The following LHFPL3 variants were observed in gnomAD, a reference collection of about 807,000 sequenced individuals.
LHFPL3 encodes LHFPL tetraspan subfamily member 3.
A neutral mutation model predicts 19.3 loss-of-function variants in LHFPL3; 5 were observed. That is an observed-to-expected ratio of 0.26 (90% CI 0.14 to 0.54). The LOEUF (loss-of-function observed/expected upper bound fraction) is 0.54, where lower values mean the gene tolerates loss of function less well. Among genes scored for constraint, LHFPL3 ranks in the 20% least tolerant of loss-of-function variants. LHFPL3 has a pLI of 0.94. For missense variants in LHFPL3, 249 were observed against 307.4 expected (o/e 0.81, Z 1.42); for synonymous variants, 133 against 126.2 (o/e 1.05, Z -0.36).
intron 2 of LHFPL3, among the ~76,000 whole-genome samples, chr7:104,817,036 C>A (rs1463032200): frequency 6.6e-6 from 1 of 152,172 alleles, no homozygotes; most frequent in African/African-American, 2.4e-5. Flanking sequence ...TCTTTCCACC[C>A]AGGCAAATTC....
At chr7:104,560,638 G>T (rs1413269977) in intron 1 of LHFPL3, among the ~76,000 whole-genome samples, 4 of 132,072 alleles carry the variant, frequency 3.0e-5, no homozygotes, top group Middle Eastern at 3.4e-3. Context: ...CCAGCTCTTG[G>T]ATTCATTAAT....
intron 2 of LHFPL3, among the ~76,000 whole-genome samples, chr7:104,857,440 C>T (rs2116628157): frequency 6.6e-6 from 1 of 152,216 alleles, no homozygotes; most frequent in African/African-American, 2.4e-5. Context: ...AGACCTTATA[C>T]CAGGCTCTGG....
rs117953468 is a variant in LHFPL3, at chr7:104,557,506, C to A, written c.446-179169C>A. 3.9e-4 allele frequency among the ~76,000 whole-genome samples: 59 copies of A among 152,212 alleles called. 1 individual carries two copies. In the East Asian group the frequency reaches 9.5e-3, roughly 24 times the overall value. On this transcript the variant is annotated intron_variant, in intron 1 of 2. Transcript: ENST00000424859. ...GAAAGACCCACCCACATAATTCAAT[C>A]ATCTCACACAGCATTTCTCCCACAA...
rs764854553 is a variant in LHFPL3 at position 104,836,453 on chromosome 7, A to C, written c.683-69734A>C. On this transcript the variant is annotated intron_variant, in intron 2 of 2. Transcript: ENST00000424859. ...CTAAGGCACTTATTGTCTTTGGAAGAAGCTAGCCCACGCAGCCACGCAGGA... is the reference window on the plus strand; with the variant it reads ...CTAAGGCACTTATTGTCTTTGGAAGCAGCTAGCCCACGCAGCCACGCAGGA... Among the ~76,000 whole-genome samples the C allele has an allele frequency of 7.9e-5, 12 of 152,298 alleles. No homozygotes were observed. In the South Asian group the frequency reaches 1.2e-3, roughly 16 times the overall value.
At chr7:104,866,611 C>A (rs1267398000) in intron 2 of LHFPL3, among the ~76,000 whole-genome samples, 1 of 152,098 alleles carries the variant, frequency 6.6e-6, no homozygotes. Context: ...ACTTAGACTC[C>A]CACACAATAA....
At chr7:104,438,814 T>C (rs1792162754) in intron 1 of LHFPL3, among the ~76,000 whole-genome samples, 1 of 143,858 alleles carries the variant, frequency 7.0e-6, no homozygotes, top group Non-Finnish European at 1.5e-5. Context: ...AAAAGTTGAT[T>C]TTTTAAAAAA....
At chr7:104,821,378 G>A (rs565795597) in intron 2 of LHFPL3, among the ~76,000 whole-genome samples, 4 of 152,324 alleles carry the variant, frequency 2.6e-5, no homozygotes, top group East Asian at 1.9e-4. Flanking sequence ...GAAGAGTTCC[G>A]ATTCAGAAGC....
intron 1 of LHFPL3, among the ~76,000 whole-genome samples, chr7:104,338,549 AAAT>A (rs1000508460): frequency 1.3e-5 from 2 of 152,236 alleles, no homozygotes; most frequent in African/African-American, 4.8e-5. Context: ...GAATTTAGGA[AAAT>A]AATCATTTCT....
At chr7:104,339,798 C>G (rs1789910688) in intron 1 of LHFPL3, among the ~76,000 whole-genome samples, 1 of 152,200 alleles carries the variant, frequency 6.6e-6, no homozygotes, top group Admixed American at 6.5e-5. Flanking sequence ...TTCTTTTCCC[C>G]TAATGTGCCC....
chr7:104,644,735 G>A (rs537627953), intron 1 of LHFPL3, among the ~76,000 whole-genome samples: 71 of 61,560 alleles, frequency 1.2e-3, no homozygotes, highest in Non-Finnish European at 1.5e-3. Flanking sequence ...TGTTGCTCCC[G>A]CTTGGGACAT....
At chr7:104,621,231 C>G (rs1281278258) in intron 1 of LHFPL3, among the ~76,000 whole-genome samples, 2 of 152,114 alleles carry the variant, frequency 1.3e-5, no homozygotes, top group African/African-American at 4.8e-5. Context: ...ATTCTGTGGC[C>G]CTTGAGGCTT....
At chr7:104,556,270 G>T (rs927343107) in intron 1 of LHFPL3, among the ~76,000 whole-genome samples, 2 of 152,198 alleles carry the variant, frequency 1.3e-5, no homozygotes, top group Non-Finnish European at 2.9e-5. Flanking sequence ...CTTCCACACT[G>T]CCCTAGCAGA....
intron 1 of LHFPL3, among the ~76,000 whole-genome samples, chr7:104,422,861 A>G (rs1791760377): frequency 6.6e-6 from 1 of 152,216 alleles, no homozygotes. Context: ...GATGAATAAG[A>G]TGGAATTAGC....
intron 2 of LHFPL3, among the ~76,000 whole-genome samples, chr7:104,866,092 A>G (rs7783243): frequency 0.57 from 86,329 of 151,994 alleles, 26,554 homozygotes; most frequent in East Asian, 0.97. Context: ...ACATGGAGAG[A>G]AACAAGCGGT....
intron 1 of LHFPL3, among the ~76,000 whole-genome samples, chr7:104,410,440 C>T (rs1206568500): frequency 6.6e-6 from 1 of 152,182 alleles, no homozygotes; most frequent in Non-Finnish European, 1.5e-5. Context: ...GCCTGTATGT[C>T]TGTTTTACCC....
intron 1 of LHFPL3, among the ~76,000 whole-genome samples, chr7:104,540,102 A>G (rs947047910): frequency 6.6e-6 from 1 of 152,174 alleles, no homozygotes; most frequent in Admixed American, 6.5e-5. Flanking sequence ...TCTCAATGGT[A>G]GAAAGTTAAT....
intron 1 of LHFPL3, among the ~76,000 whole-genome samples, chr7:104,589,034 G>A (rs906479043): frequency 1.2e-4 from 18 of 151,928 alleles, no homozygotes; most frequent in Non-Finnish European, 5.9e-5. Flanking sequence ...GGTTTTCTAA[G>A]TATACAATCA....
At chr7:104,865,765 C>A (rs1452692836) in intron 2 of LHFPL3, among the ~76,000 whole-genome samples, 2 of 152,100 alleles carry the variant, frequency 1.3e-5, no homozygotes, top group Admixed American at 6.5e-5. Flanking sequence ...CTCCAAGACA[C>A]ATAATTCTCA....
In LHFPL3 at chr7:104,806,624, C is replaced by T. The variant is rs186962007; in HGVS notation, c.682+69713C>T. Among the ~76,000 whole-genome samples the T allele has an allele frequency of 2.8e-3, 423 of 151,332 alleles. 8 individuals carry two copies. Among genetic ancestry groups the T allele is most frequent in the Admixed American group, 0.026 (394 of 15,236 alleles). ...CATTATGTTCTTTGAGTGTTTTCAA[C>T]ATGAAAAAAAAAATCCTGAATTGAT... On this transcript the variant is annotated intron_variant, in intron 2 of 2. Coordinates refer to ENST00000424859, the MANE Select transcript of LHFPL3 (RefSeq NM_199000.3).
Sources: gnomAD v4.1 joint callset for allele counts (sites outside exome capture counted in the v4.1 genomes callset) on GRCh38, gnomAD v4.1.1 for gene constraint, MANE v1.5 for transcripts, NCBI Gene and HGNC (gene_info 2026-07-23, HGNC 2026-07-21) for gene names.